The following AGTPBP1 variants were observed in gnomAD, a reference collection of about 807,000 sequenced individuals.
The protein encoded by AGTPBP1 is cytosolic carboxypeptidase 1.
In AGTPBP1, 70 loss-of-function variants were observed where a neutral mutation model predicts 143.9. The ratio of observed to expected loss-of-function variants is 0.49; its 90% CI spans 0.40 to 0.59. The LOEUF is 0.59. Ranked by LOEUF, AGTPBP1 falls within the 20% of genes least tolerant of loss-of-function variation. The probability of loss-of-function intolerance (pLI) is 0.00; values close to 1 mark genes in which losing one functional copy is unlikely to be tolerated. For missense variants in AGTPBP1, 1,229 were observed against 1,464.5 expected (o/e 0.84, Z 2.62); for synonymous variants, 463 against 500.2 (o/e 0.93, Z 0.99).
chr9:85,697,155 T>G (rs1188735511), intron 2 of AGTPBP1, among the ~76,000 whole-genome samples: 1 of 152,204 alleles, frequency 6.6e-6, no homozygotes, highest in Non-Finnish European at 1.5e-5. Flanking sequence ...ATGTCTTCTT[T>G]GTACCCTTCA....
At chr9:85,741,693 C>T in intron 1 of AGTPBP1, 82 bp downstream of exon 1, 1 of 1,261,142 alleles carries the variant, frequency 7.9e-7, no homozygotes, top group Non-Finnish European at 1.0e-6. Flanking sequence ...TACCCCCGGG[C>T]GCCGTCGCTC....
At chr9:85,566,372 C>A (rs537058158) in intron 25 of AGTPBP1, among the ~76,000 whole-genome samples, 143 of 150,106 alleles carry the variant, frequency 9.5e-4, no homozygotes, top group African/African-American at 2.9e-3. Context: ...AACAAACAAA[C>A]AAAAAAAATT....
At chr9:85,669,265 A>G (rs1462416143) in intron 8 of AGTPBP1, among the ~76,000 whole-genome samples, 1 of 151,950 alleles carries the variant, frequency 6.6e-6, no homozygotes, top group Non-Finnish European at 1.5e-5. Flanking sequence ...TATAAACATT[A>G]TATTCAATGA....
At chr9:85,560,979 T>C (rs921464844) in intron 25 of AGTPBP1, among the ~76,000 whole-genome samples, 1 of 152,058 alleles carries the variant, frequency 6.6e-6, no homozygotes, top group Non-Finnish European at 1.5e-5. Flanking sequence ...TTAAGAAACT[T>C]TGGGAACCCC....
At chr9:85,685,183 G>A (rs1835416070) in intron 3 of AGTPBP1, among the ~76,000 whole-genome samples, 1 of 151,414 alleles carries the variant, frequency 6.6e-6, no homozygotes, top group Non-Finnish European at 1.5e-5. Context: ...AAGACAAATA[G>A]GGAAAATAAG....
intron 1 of AGTPBP1, among the ~76,000 whole-genome samples, chr9:85,730,774 T>TTTA (rs1838828342): frequency 6.6e-6 from 1 of 152,218 alleles, no homozygotes; most frequent in African/African-American, 2.4e-5. Context: ...TCCTTATATC[T>TTTA]GCTATTCCTA....
intron 2 of AGTPBP1, among the ~76,000 whole-genome samples, chr9:85,712,046 C>T (rs1194043946): frequency 1.3e-5 from 2 of 151,952 alleles, no homozygotes; most frequent in Non-Finnish European, 2.9e-5. Context: ...GGTGGATCAC[C>T]TGAGGTCAGG....
At chr9:85,561,262 T>TGAGGCAGGAGAATCGCTTGAACCTGG (rs1182008534) in intron 25 of AGTPBP1, among the ~76,000 whole-genome samples, 2 of 151,762 alleles carry the variant, frequency 1.3e-5, no homozygotes, top group Non-Finnish European at 1.5e-5. Flanking sequence ...CTTGGGAGGC[T>TGAGGCAGGAGAATCGCTTGAACCTGG]GAGGCAGGAG....
the AGTPBP1 span, among the ~76,000 whole-genome samples, chr9:85,801,474 A>G: frequency 6.6e-6 from 1 of 152,164 alleles, no homozygotes; most frequent in Non-Finnish European, 1.5e-5. Flanking sequence ...GATTTTGAAC[A>G]TTCACTGTGC....
chr9:85,609,292 T>C (rs1303736688), intron 17 of AGTPBP1, among the ~76,000 whole-genome samples: 2 of 58,162 alleles, frequency 3.4e-5, no homozygotes, highest in Admixed American at 4.2e-4. Context: ...GTACAGATCT[T>C]TTTTTTTTTT....
At chr9:85,557,397 G>C (rs1826417938) in intron 25 of AGTPBP1, among the ~76,000 whole-genome samples, 1 of 152,122 alleles carries the variant, frequency 6.6e-6, no homozygotes, top group African/African-American at 2.4e-5. Context: ...TACAAATGGA[G>C]CACTTTTAGT....
chr9:85,639,367 G>GCACACGCACACA (rs1554713134), intron 13 of AGTPBP1, among the ~76,000 whole-genome samples: 8 of 147,232 alleles, frequency 5.4e-5, no homozygotes, highest in African/African-American at 2.0e-4. Context: ...GCGCGCACGC[G>GCACACGCACACA]CACACACACA....
At chr9:85,689,931 T>C (rs1427591043) in intron 3 of AGTPBP1, among the ~76,000 whole-genome samples, 1 of 118,528 alleles carries the variant, frequency 8.4e-6, no homozygotes, top group Admixed American at 8.8e-5. Flanking sequence ...AAAAAATATA[T>C]ATATATATAT....
At chr9:85,773,736 A>G in the AGTPBP1 span, 1 of 661,938 alleles carries the variant, frequency 1.5e-6, no homozygotes, top group East Asian at 2.7e-5. Context: ...CATTTACACT[A>G]TGGAGATTAA....
At chr9:85,660,994 CACAA>C in intron 8 of AGTPBP1, 21 bp from the exon 9 acceptor site, 1 of 1,581,924 alleles carries the variant, frequency 6.3e-7, no homozygotes, top group Non-Finnish European at 8.6e-7. Flanking sequence ...AACAAGAAAA[CACAA>C]ACAACAACAA....
the AGTPBP1 span, among the ~76,000 whole-genome samples, chr9:85,772,486 G>A: frequency 3.9e-5 from 6 of 152,186 alleles, no homozygotes; most frequent in Admixed American, 1.3e-4. Context: ...GGTGGCTCAC[G>A]CCTATAATCC....
intron 17 of AGTPBP1, among the ~76,000 whole-genome samples, chr9:85,613,558 CA>C (rs199816779): frequency 0.016 from 2,461 of 151,772 alleles, 29 homozygotes; most frequent in Middle Eastern, 0.054. Context: ...ACTCCCTCAA[CA>C]AAAAATAAAA....
At chr9:85,705,942 G>A (rs889363123) in intron 2 of AGTPBP1, among the ~76,000 whole-genome samples, 1 of 151,652 alleles carries the variant, frequency 6.6e-6, no homozygotes, top group African/African-American at 2.4e-5. Context: ...CGCCCGCCTC[G>A]GCCTCCCAAA....
chr9:85,672,732 ATTTTT>A (rs35158140), intron 6 of AGTPBP1, 51 bp from the exon 7 acceptor site: 178 of 918,900 alleles, frequency 1.9e-4, no homozygotes, highest in South Asian at 3.5e-4. Flanking sequence ...TTTCTTTTTA[ATTTTT>A]TTTTTTTTTT....
Sources: gnomAD v4.1 joint callset for allele counts (sites outside exome capture counted in the v4.1 genomes callset) on GRCh38, gnomAD v4.1.1 for gene constraint, MANE v1.5 for transcripts, NCBI Gene and HGNC (gene_info 2026-07-23, HGNC 2026-07-21) for gene names.